The following RFX5 variants were observed in gnomAD, a reference collection of about 807,000 sequenced individuals.
The protein encoded by RFX5 is regulatory factor X5.
A neutral mutation model predicts 41.2 loss-of-function variants in RFX5; 30 were observed. The ratio of observed to expected loss-of-function variants is 0.73; its 90% CI spans 0.54 to 0.99. The LOEUF is 0.99. RFX5 is among the 50% of genes least tolerant of loss of function. The pLI, the probability that RFX5 is intolerant of heterozygous loss-of-function variation, is 0.00. For synonymous variants in RFX5, 231 were observed against 291.8 expected (o/e 0.79, Z 2.12); for missense variants, 715 against 773.6 (o/e 0.92, Z 0.90).
Position 151,342,433 on chromosome 1 carries a change from C to T in RFX5, c.1604G>A (p.Gly535Glu). Residue 535 changes from glycine to glutamate, a missense_variant, in exon 11 of 11, where the codon GGA becomes GAA. Physicochemically the swap from Gly to Glu is moderately conservative, Grantham distance 98. Transcript: ENST00000452671. Reference protein sequence around the residue: ...EKGAVLAQGQGDGTVSKGGRG... With the variant: ...EKGAVLAQGQEDGTVSKGGRG... ...TCCTCCTTTGGAAACAGTACCATCT[C>T]CCTGACCCTGGGCAAGTACTGCCCC... 6.2e-7 allele frequency: 1 copy of T among 1,614,148 alleles called. No individual in the cohort carries two copies. Among genetic ancestry groups the T allele is most frequent in the Non-Finnish European group, 8.5e-7 (1 of 1,180,012 alleles).
At position 151,344,081 on chromosome 1, in the gene RFX5, T is replaced by A. The variant is rs1016459433; in HGVS notation, c.555+116A>T. 5 of 1,184,336 alleles carry A rather than the reference T, an allele frequency of 4.2e-6. No individual in the cohort carries two copies. In the Admixed American group the frequency reaches 9.4e-5, roughly 22 times the overall value. The allele number at this position is 1,184,336 out of a possible 1,614,324, so 73.4% of individuals were successfully genotyped here. On this transcript the variant is annotated intron_variant, in intron 8 of 10. Transcript: ENST00000452671. ...ACAGGGTTGGCAGAAGGGAACATCA[T>A]ACCTAGAAGCTATGTACATAATGAC...
chr1:151,345,974 G>A lies in RFX5; in HGVS notation c.117-13C>T, dbSNP rs371670135. On this transcript the variant is annotated splice_polypyrimidine_tract_variant and intron_variant, in intron 3 of 10. Coordinates refer to ENST00000452671, the MANE Select transcript of RFX5 (RefSeq NM_001025603.2). ...CTGCACGGCCTTGCTGTGGGGAAGA[G>A]GAGAAAGCTGGAGGTCACACACAAG... 154 of 1,614,036 alleles carry A rather than the reference G, an allele frequency of 9.5e-5. No homozygotes were observed. The highest frequency in any genetic ancestry group is 1.2e-4 in the Non-Finnish European group (143 of 1,180,022).
chr1:151,344,875 C>T (rs1650868333), intron 5 of RFX5, 28 bp from the exon 6 acceptor site: 2 of 1,614,192 alleles, frequency 1.2e-6, no homozygotes, highest in Middle Eastern at 1.6e-4. Context: ...ACAAGCATTA[C>T]TAAGACCCTA....
Position 151,342,401 on chromosome 1 carries a change from G to C in RFX5, c.1636C>G (p.Pro546Ala). 6.2e-7 allele frequency: 1 copy of C among 1,614,122 alleles called. No homozygotes were observed. Among genetic ancestry groups the C allele is most frequent in the Non-Finnish European group, 8.5e-7 (1 of 1,180,034 alleles). The change falls in exon 11 of 11, where the codon CCC becomes GCC. Residue 546 changes from proline (P) to alanine (A), a missense_variant. Physicochemically the swap from Pro to Ala is conservative, Grantham distance 27. Coordinates refer to ENST00000452671, the MANE Select transcript of RFX5 (RefSeq NM_001025603.2). ...DGTVSKGGRG[P>A]GSQHTKEAED... ...GCTTCTTTGGTATGCTGGGAACCGG[G>C]GCCCCTTCCTCCTTTGGAAACAGTA... is the stretch of plus-strand genomic sequence containing the variant.
At chr1:151,345,227 G>A (rs1318685161) in intron 4 of RFX5, 39 bp from the exon 5 acceptor site, 2 of 1,532,770 alleles carry the variant, frequency 1.3e-6, no homozygotes, top group Non-Finnish European at 1.8e-6. Context: ...AAATAATAAG[G>A]CCAAGAAGGA....
rs577619153 is a variant in RFX5, at chr1:151,341,766, C to A, written c.*420G>T. ...GTCCGGTATTTAGAGACATACTGAA[C>A]TACTGGGTCAAGTCTTCACCTGGAG... is the stretch of plus-strand genomic sequence containing the variant. On this transcript the variant is annotated 3_prime_UTR_variant, in exon 11 of 11. Coordinates refer to ENST00000452671, the MANE Select transcript of RFX5 (RefSeq NM_001025603.2). The A allele has an allele frequency of 2.9e-6, 1 of 348,114 alleles. No individual in the cohort carries two copies. The highest frequency in any genetic ancestry group is 5.6e-6 in the Non-Finnish European group (1 of 178,944). The allele number at this position is 348,114 out of a possible 1,614,324, so 21.6% of individuals were successfully genotyped here.
At position 151,344,946 on chromosome 1, in the gene RFX5, C is replaced by A. The variant is rs149798304; in HGVS notation, c.234-99G>T. 6 of 1,603,658 alleles carry A rather than the reference C, an allele frequency of 3.7e-6. No individual in the cohort carries two copies. In the African/African-American group the frequency reaches 5.3e-5, roughly 14 times the overall value. On this transcript the variant is annotated intron_variant, in intron 5 of 10. Transcript: ENST00000452671. The stretch of plus-strand genomic sequence containing the variant: ...GTAGTGCTGGACCAAATTTAGTTCA[C>A]CCAGAATCTAACTTTCCCTGGTAAA...
rs1223621034 is a variant in RFX5 at position 151,341,080 on chromosome 1, G to C, written c.*1106C>G. ...GATACAGAATAGATTTAATGAAATG[G>C]CTAGGAAGTCTTTCACTCTAGTTGG... On this transcript the variant is annotated 3_prime_UTR_variant, in exon 11 of 11. Coordinates refer to ENST00000452671, the MANE Select transcript of RFX5 (RefSeq NM_001025603.2). The C allele has an allele frequency of 6.6e-6, 1 of 152,522 alleles. No individual in the cohort carries two copies. The highest frequency in any genetic ancestry group is 1.5e-5 in the Non-Finnish European group (1 of 68,046). 9.4% of individuals were successfully genotyped at this position (152,522 alleles called of 1,614,324 possible). A position where few individuals can be genotyped will look rare whatever the true frequency, so the allele number is the denominator to read the frequency against.
rs1650993338 is a variant in RFX5 at position 151,345,851 on chromosome 1, GT to G, written c.150+76del. 1.9e-6 allele frequency: 3 copies of G among 1,591,144 alleles called. No homozygotes were observed. The Admixed American group carries it at 5.0e-5, about 27-fold the overall frequency. On this transcript the variant is annotated intron_variant, in intron 4 of 10. Coordinates refer to ENST00000452671, the MANE Select transcript of RFX5 (RefSeq NM_001025603.2). ...CCTACCTCTCCCACATCAATGTTTT[GT>G]TGATGCCCATCATCCTCACATCCTC...
intron 9 of RFX5, 26 bp downstream of exon 9, chr1:151,343,655 T>C (rs770917412): frequency 1.2e-6 from 2 of 1,610,900 alleles, no homozygotes; most frequent in South Asian, 2.2e-5. Flanking sequence ...TCAGGGTTGC[T>C]GAGACATAAG....
intron 4 of RFX5, chr1:151,345,469 G>A (rs1650935467): frequency 2.6e-6 from 1 of 382,600 alleles, no homozygotes; most frequent in Admixed American, 3.8e-5. Context: ...AAAATTAGCT[G>A]GGTGTGGTGA....
At chr1:151,344,074 A>T in intron 8 of RFX5, 123 bp downstream of exon 8, 1 of 1,162,046 alleles carries the variant, frequency 8.6e-7, no homozygotes, top group South Asian at 1.3e-5. Context: ...GGCAGAAGGG[A>T]ACATCATACC....
rs1337518866 is a variant in RFX5, at chr1:151,345,203, AAC to A, written c.151-17_151-16del. On this transcript the variant is annotated splice_polypyrimidine_tract_variant and intron_variant, in intron 4 of 10. Transcript: ENST00000452671. ...TGTACATCTTGCTGAGGTAGGAGAG[AAC>A]AGAGGCAGGAGAAATAATAAGGCCA... The A allele has an allele frequency of 6.2e-6, 10 of 1,606,530 alleles. No homozygotes were observed. The highest frequency in any genetic ancestry group is 7.7e-6 in the Non-Finnish European group (9 of 1,173,418).
At chr1:151,346,688 C>A (rs1157845442) in intron 1 of RFX5, 82 bp from the exon 2 acceptor site, 1 of 267,040 alleles carries the variant, frequency 3.7e-6, no homozygotes, top group Admixed American at 5.0e-5. Flanking sequence ...TACTGCCCTC[C>A]TCCCCCTCAA....
In RFX5 at chr1:151,344,867, A is replaced by C; in HGVS notation, c.234-20T>G. On this transcript the variant is annotated intron_variant, in intron 5 of 10. Coordinates refer to ENST00000452671, the MANE Select transcript of RFX5 (RefSeq NM_001025603.2). The stretch of plus-strand genomic sequence containing the variant: ...TCTGAGCTACAGAAACAAAAGGAAC[A>C]AGCATTACTAAGACCCTAACAGTTG... 1 of 1,614,176 alleles carries C rather than the reference A, an allele frequency of 6.2e-7. No individual in the cohort carries two copies. Among genetic ancestry groups the C allele is most frequent in the Non-Finnish European group, 8.5e-7 (1 of 1,180,040 alleles).
At chr1:151,346,054 A>G in intron 3 of RFX5, 93 bp from the exon 4 acceptor site, 1 of 1,604,568 alleles carries the variant, frequency 6.2e-7, no homozygotes, top group Non-Finnish European at 8.5e-7. Context: ...TGAAATGCCC[A>G]GCAGGTGCTC....
intron 5 of RFX5, 105 bp from the exon 6 acceptor site, chr1:151,344,952 A>G (rs1281697922): frequency 4.4e-6 from 7 of 1,603,016 alleles, no homozygotes; most frequent in Non-Finnish European, 5.1e-6. Context: ...TTCACCCAGA[A>G]TCTAACTTTC....
rs1650410793 is a variant in RFX5 at position 151,341,104 on chromosome 1, G to A, written c.*1082C>T. The A allele has an allele frequency of 6.6e-6, 1 of 152,306 alleles. No homozygotes were observed. Among genetic ancestry groups the A allele is most frequent in the South Asian group, 2.1e-4 (1 of 4,826 alleles). 9.4% of individuals were successfully genotyped at this position (152,306 alleles called of 1,614,324 possible). A position where few individuals can be genotyped will look rare whatever the true frequency, so the allele number is the denominator to read the frequency against. ...GGCTAGGAAGTCTTTCACTCTAGTTGGTGGAACTGGCAATAGGGTGAGAGG... is the reference window on the plus strand; with the variant it reads ...GGCTAGGAAGTCTTTCACTCTAGTTAGTGGAACTGGCAATAGGGTGAGAGG... On this transcript the variant is annotated 3_prime_UTR_variant, in exon 11 of 11. Coordinates refer to ENST00000452671, the MANE Select transcript of RFX5 (RefSeq NM_001025603.2).
chr1:151,345,296 A>G, intron 4 of RFX5, 108 bp from the exon 5 acceptor site: 1 of 859,592 alleles, frequency 1.2e-6, no homozygotes, highest in South Asian at 1.4e-5. Context: ...AGGGTGTCAG[A>G]CTGAAAAAGG....
Sources: allele counts gnomAD v4.1 joint callset, GRCh38; gene constraint gnomAD v4.1.1; transcripts MANE v1.5; gene names NCBI Gene and HGNC (gene_info 2026-07-23, HGNC 2026-07-21).